Variants in LMO7 observed in about 807,000 individuals in gnomAD.
LMO7 encodes LIM domain 7.
A neutral mutation model predicts 206.5 loss-of-function variants in LMO7; 120 were observed. The observed-to-expected ratio is 0.58, with a 90% confidence interval of 0.50 to 0.68. The LOEUF (loss-of-function observed/expected upper bound fraction) is 0.68. Ranked by LOEUF, LMO7 falls within the 30% of genes least tolerant of loss-of-function variation. The probability of loss-of-function intolerance (pLI) is 0.00; values close to 1 mark genes in which losing one functional copy is unlikely to be tolerated. For missense variants in LMO7, 1,959 were observed against 1,957.9 expected (o/e 1.00, Z -0.01); for synonymous variants, 706 against 681.5 (o/e 1.04, Z -0.56).
intron 4 of LMO7, among the ~76,000 whole-genome samples, chr13:75,776,126 C>CAT (rs71127581): frequency 0.21 from 15,289 of 72,752 alleles, 2,143 homozygotes; most frequent in Middle Eastern, 0.3. Flanking sequence ...TACATACATA[C>CAT]ATATATATAT....
chr13:75,702,084 A>G (rs1475808226), intron 1 of LMO7, among the ~76,000 whole-genome samples: 1 of 152,210 alleles, frequency 6.6e-6, no homozygotes, highest in African/African-American at 2.4e-5. Flanking sequence ...CTCGTGGACT[A>G]GAAATGTTTA....
At chr13:75,628,901 TG>T (rs1310684439) in intron 2 of LMO7, among the ~76,000 whole-genome samples, 3 of 152,184 alleles carry the variant, frequency 2.0e-5, no homozygotes, top group African/African-American at 7.2e-5. Context: ...GCAAGAAACT[TG>T]GGCCTAAGGT....
chr13:75,694,014 TAAAA>T (rs58590514), intron 1 of LMO7, among the ~76,000 whole-genome samples: 8 of 145,890 alleles, frequency 5.5e-5, no homozygotes, highest in African/African-American at 2.0e-4. Flanking sequence ...GACCTTAAAA[TAAAA>T]AAAAAAACTA....
intron 4 of LMO7, among the ~76,000 whole-genome samples, chr13:75,771,637 C>T (rs1376694223): frequency 2.6e-5 from 1 of 37,826 alleles, no homozygotes; most frequent in Admixed American, 2.1e-4. Flanking sequence ...TTTTGATGCT[C>T]TATTTTACTT....
At chr13:75,769,477 T>G (rs937553004) in intron 4 of LMO7, among the ~76,000 whole-genome samples, 2 of 151,704 alleles carry the variant, frequency 1.3e-5, no homozygotes, top group Non-Finnish European at 2.9e-5. Context: ...TGTAAAACTT[T>G]TAATTAAAAA....
intron 4 of LMO7, among the ~76,000 whole-genome samples, chr13:75,789,526 C>T (rs532277495): frequency 1.3e-5 from 2 of 152,164 alleles, no homozygotes; most frequent in East Asian, 1.9e-4. Flanking sequence ...CCCCGATCTG[C>T]GGAGCTGGTT....
intron 11 of LMO7, among the ~76,000 whole-genome samples, chr13:75,815,338 A>G (rs2056871301): frequency 6.6e-6 from 1 of 152,314 alleles, no homozygotes; most frequent in Admixed American, 6.5e-5. Context: ...TATATTTAGA[A>G]GGCAGAGGGA....
At chr13:75,636,238 GGC>G, upstream of LMO7, 1 of 975,160 alleles carries the variant, frequency 1.0e-6, no homozygotes, top group Non-Finnish European at 1.2e-6. Flanking sequence ...AGACGGAAGC[GGC>G]GACTCGGCGG....
At chr13:75,628,129 G>C (rs184695711) in intron 2 of LMO7, 1 of 152,188 alleles carries the variant, frequency 6.6e-6, no homozygotes, top group Non-Finnish European at 1.5e-5. Flanking sequence ...ATAAGAACTT[G>C]AGGGCTTCTC....
At chr13:75,668,335 A>G (rs1274138816) in intron 1 of LMO7, among the ~76,000 whole-genome samples, 4 of 152,220 alleles carry the variant, frequency 2.6e-5, no homozygotes, top group South Asian at 4.1e-4. Flanking sequence ...CTTCACTGGT[A>G]TGCTTGGAGT....
chr13:75,828,404 T>C lies in LMO7; in HGVS notation c.2949+4531T>C, dbSNP rs533445810. On this transcript the variant is annotated intron_variant, in intron 15 of 30. Transcript: ENST00000377534. ...TTTTTTGAAATATGACAGGCTCACG[T>C]TTGAGGACTGCCTTATGTATAGTTA... Among the ~76,000 whole-genome samples, 148 of 152,272 alleles carry C rather than the reference T, an allele frequency of 9.7e-4. 2 individuals carry two copies. The highest frequency in any genetic ancestry group is 4.9e-4 in the Non-Finnish European group (33 of 68,006).
Position 75,631,053 on chromosome 13 carries a change from ATC to A in LMO7, c.225+7741_225+7742del, listed in dbSNP as rs375527411. On this transcript the variant is annotated intron_variant, in intron 2 of 29. Transcript: ENST00000341547. ...TATTATTATTATTTTTTGAGACAGA[ATC>A]TCTCTCTGTTGCCCAGGCTGGAGTG... is the stretch of plus-strand genomic sequence containing the variant. Among the ~76,000 whole-genome samples, 1,013 of 151,994 alleles carry A rather than the reference ATC, an allele frequency of 6.7e-3. 9 individuals are homozygous for A. Among genetic ancestry groups the A allele is most frequent in the African/African-American group, 0.022 (921 of 41,458 alleles).
Position 75,675,995 on chromosome 13 carries a change from A to C in LMO7, c.70-37187A>C, listed in dbSNP as rs538012632. 2.8e-4 allele frequency among the ~76,000 whole-genome samples: 43 copies of C among 152,292 alleles called. 1 individual carries two copies. The South Asian group carries it at 8.5e-3, about 30-fold the overall frequency. Reference sequence around the variant, plus strand: ...GGGAAATTTTGTAATTGTTCCCTAAAACTGCACGTTTGTAAAAGACTCTAT... The same window carrying C: ...GGGAAATTTTGTAATTGTTCCCTAACACTGCACGTTTGTAAAAGACTCTAT... On this transcript the variant is annotated intron_variant, in intron 1 of 30. Coordinates refer to ENST00000377534, the MANE Select transcript of LMO7 (RefSeq NM_001306080.2).
At chr13:75,726,504 A>G (rs1268659193) in intron 2 of LMO7, among the ~76,000 whole-genome samples, 2 of 152,036 alleles carry the variant, frequency 1.3e-5, no homozygotes, top group Non-Finnish European at 2.9e-5. Context: ...GTAATAAAGC[A>G]ATCAATTATG....
At chr13:75,712,440 C>G (rs2043196309) in intron 1 of LMO7, among the ~76,000 whole-genome samples, 2 of 152,134 alleles carry the variant, frequency 1.3e-5, no homozygotes, top group Admixed American at 6.5e-5. Context: ...CCTGTGGAAT[C>G]CCCTTTTCTA....
chr13:75,781,404 T>C (rs1374552108), intron 4 of LMO7, among the ~76,000 whole-genome samples: 1 of 150,024 alleles, frequency 6.7e-6, no homozygotes, highest in Non-Finnish European at 1.5e-5. Context: ...TGCGATAGTT[T>C]ACTGAGAATG....
At chr13:75,737,776 AT>A (rs2045998438) in intron 3 of LMO7, among the ~76,000 whole-genome samples, 3 of 35,170 alleles carry the variant, frequency 8.5e-5, no homozygotes, top group African/African-American at 1.1e-4. Flanking sequence ...ATAAAATAAA[AT>A]AAAATAAAAA....
intron 3 of LMO7, among the ~76,000 whole-genome samples, chr13:75,730,539 C>T (rs916634284): frequency 6.6e-6 from 1 of 151,398 alleles, no homozygotes; most frequent in Non-Finnish European, 1.5e-5. Context: ...ATTAGTCTTG[C>T]TAGCGGTCTA....
rs531689641 is a variant in LMO7, at chr13:75,765,317, T to C, written c.317+4279T>C. 2.3e-5 allele frequency among the ~76,000 whole-genome samples: 3 copies of C among 130,120 alleles called. No individual in the cohort carries two copies. The South Asian group carries it at 6.6e-4, about 29-fold the overall frequency. The allele number at this position is 130,120 out of a possible 152,430, so 85.4% of individuals were successfully genotyped here. A position where few individuals can be genotyped will look rare whatever the true frequency, so the allele number is the denominator to read the frequency against. On this transcript the variant is annotated intron_variant, in intron 4 of 30. Coordinates refer to ENST00000377534, the MANE Select transcript of LMO7 (RefSeq NM_001306080.2). ...TAAAATAATTTAAACCTAGTTTTAC[T>C]TTTTTTTTTTTTGCAAGTACATGTC... is the stretch of plus-strand genomic sequence containing the variant.
Sources: gnomAD v4.1 joint callset for allele counts (sites outside exome capture counted in the v4.1 genomes callset) on GRCh38, gnomAD v4.1.1 for gene constraint, MANE v1.5 for transcripts, NCBI Gene and HGNC (gene_info 2026-07-23, HGNC 2026-07-21) for gene names.